The following RAG1 variants were observed in gnomAD, a reference collection of about 807,000 sequenced individuals.
The protein encoded by RAG1 is V(D)J recombination-activating protein 1.
Under a neutral mutation model 62.7 loss-of-function variants are expected in RAG1, and 35 were observed. The ratio of observed to expected loss-of-function variants is 0.56; its 90% CI spans 0.43 to 0.74. The LOEUF (loss-of-function observed/expected upper bound fraction) is 0.74. Among genes scored for constraint, RAG1 ranks in the 30% least tolerant of loss-of-function variants. The pLI, the probability that RAG1 is intolerant of heterozygous loss-of-function variation, is 0.00. For synonymous variants in RAG1, 461 were observed against 470.3 expected, an observed-to-expected ratio of 0.98 and a Z score of 0.26; for missense variants, 1,169 against 1,278.6, an observed-to-expected ratio of 0.91 and a Z score of 1.31.
chr11:36,561,056 G>T (rs1321182969), intron 3 of RAG1, among the ~76,000 whole-genome samples: 2 of 152,162 alleles, frequency 1.3e-5, no homozygotes, highest in African/African-American at 4.8e-5. Flanking sequence ...CAATTATACT[G>T]TCTCCATCCT....
chr11:36,566,539 C>T, upstream of RAG1: 1 of 152,306 alleles, frequency 6.6e-6, no homozygotes, highest in Non-Finnish European at 1.5e-5. Flanking sequence ...GGGGGAAGGA[C>T]ACCCTCTTGC....
chr11:36,512,872 T>C (rs917892222), intron 1 of RAG1, among the ~76,000 whole-genome samples: 6 of 152,192 alleles, frequency 3.9e-5, no homozygotes, highest in Non-Finnish European at 5.9e-5. Context: ...TATAAGTAAA[T>C]CAAACATGAA....
At chr11:36,565,945 C>T (rs1850655461), upstream of RAG1, 1 of 152,108 alleles carries the variant, frequency 6.6e-6, no homozygotes, top group South Asian at 2.1e-4. Context: ...TTCATAGGCA[C>T]CCAATATTTT....
exon 2 of RAG1, chr11:36,520,229 T>C (rs1860057741): frequency 6.6e-6 from 1 of 152,214 alleles, no homozygotes; most frequent in African/African-American, 2.4e-5. Flanking sequence ...AAGAGGGAAA[T>C]GTGAGTCATA....
chr11:36,542,108 T>C (rs1159007928), intron 3 of RAG1, among the ~76,000 whole-genome samples: 1 of 152,166 alleles, frequency 6.6e-6, no homozygotes, highest in Non-Finnish European at 1.5e-5. Context: ...TCTGAGTTCA[T>C]TGTTAGGGTT....
downstream of RAG1, among the ~76,000 whole-genome samples, chr11:36,538,567 A>T (rs1380261596): frequency 2.6e-5 from 4 of 152,232 alleles, no homozygotes; most frequent in East Asian, 7.7e-4. Context: ...TAAAACAAAT[A>T]CATGTTCATT....
rs771237578 is a variant in RAG1 at position 36,574,464 on chromosome 11, T to C, written c.1160T>C (p.Val387Ala). ...CACAAGGAATCAAAAGAGATTTTTG[T>C]GCACATTAATAAAGGGGGCCGGCCC... ...SSHKESKEIF[V>A]HINKGGRPRQ... The change falls in exon 2 of 2, where the codon GTG becomes GCG. Residue 387 changes from valine (V) to alanine (A), a missense_variant. Around this residue, in one of 2 missense-constraint regions of RAG1, gnomAD observed 800 missense variants for 943.3 expected, o/e 0.85. Transcript: ENST00000299440. 16 of 1,614,098 alleles carry C rather than the reference T, an allele frequency of 9.9e-6. No individual in the cohort carries two copies. The Admixed American group carries it at 2.3e-4, about 24-fold the overall frequency.
chr11:36,557,717 C>T (rs369564564), intron 3 of RAG1, among the ~76,000 whole-genome samples: 20 of 152,328 alleles, frequency 1.3e-4, no homozygotes, highest in African/African-American at 4.3e-4. Context: ...TATGAATTTA[C>T]AGGAAGGGGA....
In RAG1 at chr11:36,573,909, T is replaced by C. The variant is rs1261445267; in HGVS notation, c.605T>C (p.Met202Thr). The C allele has an allele frequency of 1.9e-6, 3 of 1,614,100 alleles. No homozygotes were observed. Among genetic ancestry groups the C allele is most frequent in the African/African-American group, 1.3e-5 (1 of 75,022 alleles). ...GTTTACTTCCCGAGGAACGTGACCATGGAGTGGCACCCCCACACACCATCC... is the reference window on the plus strand; with the variant it reads ...GTTTACTTCCCGAGGAACGTGACCACGGAGTGGCACCCCCACACACCATCC... ...CEVYFPRNVT[M>T]EWHPHTPSCD... Residue 202 changes from methionine (M) to threonine (T), a missense_variant, in exon 2 of 2, where the codon ATG becomes ACG. Met to Thr is a moderately conservative substitution (Grantham distance 81). This residue lies in a region of RAG1 where 369 missense variants were observed against 335.3 expected (regional missense o/e 1.10). Coordinates refer to ENST00000299440, the MANE Select transcript of RAG1 (RefSeq NM_000448.3).
At chr11:36,557,310 G>C (rs796443788) in intron 3 of RAG1, among the ~76,000 whole-genome samples, 1 of 86,098 alleles carries the variant, frequency 1.2e-5, no homozygotes, top group Non-Finnish European at 2.1e-5. Context: ...ATATAGTCTC[G>C]TGGTGCGCCG....
At chr11:36,542,282 A>C (rs534394632) in intron 3 of RAG1, among the ~76,000 whole-genome samples, 28 of 152,332 alleles carry the variant, frequency 1.8e-4, no homozygotes, top group Admixed American at 2.6e-4. Context: ...TTAAAGACAA[A>C]TATTAAATAC....
At chr11:36,550,645 C>T (rs1299920005) in intron 3 of RAG1, among the ~76,000 whole-genome samples, 2 of 152,132 alleles carry the variant, frequency 1.3e-5, no homozygotes, top group Non-Finnish European at 2.9e-5. Context: ...GAGTTTATTT[C>T]AGGCATAGCT....
At chr11:36,544,081 C>T (rs1850355141) in intron 3 of RAG1, among the ~76,000 whole-genome samples, 1 of 152,198 alleles carries the variant, frequency 6.6e-6, no homozygotes, top group South Asian at 2.1e-4. Flanking sequence ...AACCAGTAAA[C>T]TTCCTTTAGC....
intron 1 of RAG1, among the ~76,000 whole-genome samples, chr11:36,571,587 A>C (rs1188770778): frequency 6.6e-6 from 1 of 152,130 alleles, no homozygotes; most frequent in East Asian, 1.9e-4. Flanking sequence ...CAAGTCTTAG[A>C]AATTTGCTTT....
At chr11:36,569,448 T>C (rs1197228865) in intron 1 of RAG1, among the ~76,000 whole-genome samples, 1 of 152,194 alleles carries the variant, frequency 6.6e-6, no homozygotes, top group Non-Finnish European at 1.5e-5. Flanking sequence ...GAATCCAAGA[T>C]AACTCTTTCA....
In RAG1 at chr11:36,578,933, T is replaced by A. The variant is rs1850893738; in HGVS notation, c.*2497T>A. On this transcript the variant is annotated 3_prime_UTR_variant, in exon 2 of 2. Transcript: ENST00000299440. ...TCAGAAGTGCAATGTATTTTTCTCC[T>A]GTGAAACCTGAATCTACAAGTTTTC... is the stretch of plus-strand genomic sequence containing the variant. The A allele has an allele frequency of 6.0e-6, 1 of 167,108 alleles. No homozygotes were observed. The highest frequency in any genetic ancestry group is 2.4e-5 in the African/African-American group (1 of 41,464). The allele number at this position is 167,108 out of a possible 1,614,324, so 10.4% of individuals were successfully genotyped here. A position where few individuals can be genotyped will look rare whatever the true frequency, so the allele number is the denominator to read the frequency against.
chr11:36,566,220 T>C (rs1850659386), upstream of RAG1, among the ~76,000 whole-genome samples: 1 of 152,056 alleles, frequency 6.6e-6, no homozygotes, highest in African/African-American at 2.4e-5. Flanking sequence ...ATTATTGACC[T>C]CAGAGAAATT....
At chr11:36,522,914 A>G (rs1860104081) in intron 2 of RAG1, among the ~76,000 whole-genome samples, 2 of 152,138 alleles carry the variant, frequency 1.3e-5, no homozygotes, top group South Asian at 4.1e-4. Context: ...TGTTTTGGCC[A>G]ATTTCTCCCA....
rs566592553 is a variant in RAG1 at position 36,532,315 on chromosome 11, T to C, written n.429-3644T>C. Among the ~76,000 whole-genome samples, 23 of 152,214 alleles carry C rather than the reference T, an allele frequency of 1.5e-4. No homozygotes were observed. The Middle Eastern group carries it at 0.01, about 68-fold the overall frequency. The stretch of plus-strand genomic sequence containing the variant: ...AGTCTGTCTGGAATATTTTTATGTG[T>C]TTTGTGGGAAGTATTATATGTGTTA... On this transcript the variant is annotated intron_variant and non_coding_transcript_variant, in intron 2 of 2. Transcript: ENST00000529126.
Sources: gnomAD v4.1 joint callset for allele counts (sites outside exome capture counted in the v4.1 genomes callset) on GRCh38, gnomAD v4.1.1 for gene constraint, gnomAD v4.1.1 regional missense constraint, MANE v1.5 for transcripts, NCBI Gene and HGNC (gene_info 2026-07-23, HGNC 2026-07-21) for gene names.